LHFPL4: variants seen among roughly 807,000 people sequenced by gnomAD.
LHFPL4 encodes the protein LHFPL tetraspan subfamily member 4 protein.
LHFPL4 carries 6 observed loss-of-function variants against 20.0 expected under a neutral mutation model. The observed-to-expected ratio is 0.30, with a 90% CI of 0.16 to 0.59. The LOEUF is 0.59. Among genes scored for constraint, LHFPL4 ranks in the 20% least tolerant of loss-of-function variants. LHFPL4 has a pLI of 0.88. For missense variants in LHFPL4, 215 were observed against 331.2 expected (o/e 0.65, Z 2.72); for synonymous variants, 129 against 143.8 (o/e 0.90, Z 0.74).
chr3:9,542,977 A>T (rs1345223093), intron 2 of LHFPL4, among the ~76,000 whole-genome samples: 1 of 152,136 alleles, frequency 6.6e-6, no homozygotes, highest in Non-Finnish European at 1.5e-5. Context: ...TTTCTTTCTG[A>T]GATAATGAAA....
intron 2 of LHFPL4, among the ~76,000 whole-genome samples, chr3:9,535,604 A>C (rs1304951085): frequency 6.6e-6 from 1 of 151,206 alleles, no homozygotes; most frequent in African/African-American, 2.4e-5. Context: ...AAAAGGTGAG[A>C]TATACAAAGA....
chr3:9,524,387 A>G (rs1304275448), intron 2 of LHFPL4, among the ~76,000 whole-genome samples: 1 of 152,004 alleles, frequency 6.6e-6, no homozygotes, highest in South Asian at 2.1e-4. Context: ...AAATGTTACA[A>G]CTTTTGTAGC....
At chr3:9,505,662 G>A (rs2046212318) in intron 3 of LHFPL4, among the ~76,000 whole-genome samples, 1 of 152,084 alleles carries the variant, frequency 6.6e-6, no homozygotes, top group African/African-American at 2.4e-5. Context: ...CTGACCTCAG[G>A]ATCCACCCGC....
chr3:9,507,497 G>C (rs1559514562), intron 2 of LHFPL4, among the ~76,000 whole-genome samples: 1 of 152,232 alleles, frequency 6.6e-6, no homozygotes, highest in East Asian at 1.9e-4. Context: ...GGCACAGTAA[G>C]TTCTGGGTAA....
At chr3:9,551,394 A>G (rs770811337) in intron 2 of LHFPL4, among the ~76,000 whole-genome samples, 1 of 151,720 alleles carries the variant, frequency 6.6e-6, no homozygotes, top group Non-Finnish European at 1.5e-5. Flanking sequence ...CCTGCCAGCA[A>G]TTAGGCAAAA....
intron 2 of LHFPL4, among the ~76,000 whole-genome samples, chr3:9,522,106 C>G (rs1260184997): frequency 6.6e-6 from 1 of 152,010 alleles, no homozygotes; most frequent in East Asian, 1.9e-4. Context: ...TAATGCAAAT[C>G]CATTTTCAAA....
chr3:9,536,425 G>A (rs1199416044), intron 2 of LHFPL4, among the ~76,000 whole-genome samples: 1 of 152,056 alleles, frequency 6.6e-6, no homozygotes, highest in Non-Finnish European at 1.5e-5. Flanking sequence ...AGGTATCCTA[G>A]ATCCTCCCTT....
intron 2 of LHFPL4, among the ~76,000 whole-genome samples, chr3:9,508,792 T>C (rs923151008): frequency 6.6e-6 from 1 of 152,206 alleles, no homozygotes; most frequent in Non-Finnish European, 1.5e-5. Context: ...AGGAGTGGTC[T>C]CAGCCCCAGT....
chr3:9,504,405 C>T (rs927887428), intron 3 of LHFPL4, among the ~76,000 whole-genome samples: 9 of 149,966 alleles, frequency 6.0e-5, no homozygotes, highest in South Asian at 4.2e-4. Context: ...AGGACTCTAA[C>T]GCTACCCATA....
intron 2 of LHFPL4, among the ~76,000 whole-genome samples, chr3:9,536,922 A>C (rs1307172011): frequency 6.6e-6 from 1 of 151,654 alleles, no homozygotes; most frequent in Non-Finnish European, 1.5e-5. Context: ...CTGTCTCAAA[A>C]AAAAAAAAAA....
At chr3:9,528,582 G>A (rs1045801324) in intron 2 of LHFPL4, among the ~76,000 whole-genome samples, 1 of 152,094 alleles carries the variant, frequency 6.6e-6, no homozygotes, top group East Asian at 1.9e-4. Context: ...TTGACATTTT[G>A]ACCTTCTCTC....
chr3:9,538,146 T>A (rs1168585926), intron 2 of LHFPL4, among the ~76,000 whole-genome samples: 1 of 152,104 alleles, frequency 6.6e-6, no homozygotes, highest in African/African-American at 2.4e-5. Flanking sequence ...CTCCTCTCCA[T>A]CCGCCATCCT....
chr3:9,541,222 GT>G (rs1424898513), intron 2 of LHFPL4, among the ~76,000 whole-genome samples: 3 of 152,046 alleles, frequency 2.0e-5, no homozygotes, highest in African/African-American at 7.2e-5. Flanking sequence ...GGTTACAGGC[GT>G]GAGCCACCGC....
chr3:9,528,431 T>C (rs7634993), intron 2 of LHFPL4, among the ~76,000 whole-genome samples: 22,619 of 152,038 alleles, frequency 0.15, 2,643 homozygotes, highest in East Asian at 0.4. Context: ...AGCAATTCAG[T>C]CCCATCTTCA....
At chr3:9,544,246 T>C (rs1380138949) in intron 2 of LHFPL4, among the ~76,000 whole-genome samples, 2 of 151,788 alleles carry the variant, frequency 1.3e-5, no homozygotes, top group African/African-American at 2.4e-5. Context: ...GTACATGTAT[T>C]ACTTTTCCAA....
intron 2 of LHFPL4, among the ~76,000 whole-genome samples, chr3:9,508,796 C>T (rs1466643045): frequency 2.0e-5 from 3 of 152,228 alleles, no homozygotes; most frequent in Non-Finnish European, 2.9e-5. Flanking sequence ...GTGGTCTCAG[C>T]CCCAGTCCTT....
intron 3 of LHFPL4, 56 bp from the exon 4 acceptor site, chr3:9,502,367 C>G: frequency 7.5e-7 from 1 of 1,330,564 alleles, no homozygotes; most frequent in Non-Finnish European, 1.1e-6. Context: ...TCAGAGGCTG[C>G]CTGGGCATTC....
At chr3:9,514,759 G>C (rs76261957) in intron 2 of LHFPL4, among the ~76,000 whole-genome samples, 3,230 of 152,258 alleles carry the variant, frequency 0.021, 116 homozygotes, top group African/African-American at 0.074. Context: ...TAATCATACT[G>C]TATGTAGCCT....
Position 9,499,736 on chromosome 3 carries a change from G to A in LHFPL4, c.*2475C>T, listed in dbSNP as rs1352748562. The A allele has an allele frequency of 6.6e-6, 1 of 152,110 alleles. No homozygotes were observed. 9.4% of individuals were successfully genotyped at this position (152,110 alleles called of 1,614,324 possible). A position where few individuals can be genotyped will look rare whatever the true frequency, so the allele number is the denominator to read the frequency against. On this transcript the variant is annotated 3_prime_UTR_variant, in exon 4 of 4. Coordinates refer to ENST00000287585, the MANE Select transcript of LHFPL4 (RefSeq NM_198560.3). ...CCCCGCACCAGGGCACAGGTTTGGT[G>A]GGTGTCCTTGGGGAACAAGGTGTGG... is the stretch of plus-strand genomic sequence containing the variant.
Sources: allele counts gnomAD v4.1 joint callset (sites outside exome capture counted in the v4.1 genomes callset), GRCh38; gene constraint gnomAD v4.1.1; transcripts MANE v1.5; gene names NCBI Gene and HGNC (gene_info 2026-07-23, HGNC 2026-07-21).